The following PPP1R8 variants were observed in gnomAD, a reference collection of about 807,000 sequenced individuals.
PPP1R8 encodes protein phosphatase 1 regulatory subunit 8.
A neutral mutation model predicts 31.3 loss-of-function variants in PPP1R8; 4 were observed. The observed-to-expected ratio is 0.13, with a 90% CI of 0.06 to 0.29. The LOEUF (loss-of-function observed/expected upper bound fraction) is 0.29, where lower values mean the gene tolerates loss of function less well. Ranked by LOEUF, PPP1R8 falls within the 10% of genes least tolerant of loss-of-function variation. The pLI is 1.00. For missense variants in PPP1R8, 254 were observed against 440.1 expected (o/e 0.58, Z 3.78); for synonymous variants, 170 against 169.7 (o/e 1.00, Z -0.01).
chr1:27,838,568 C>T, intron 2 of PPP1R8, 131 bp from the exon 3 acceptor site: 1 of 497,766 alleles, frequency 2.0e-6, no homozygotes, highest in Non-Finnish European at 3.3e-6. Context: ...TTTTTTGATG[C>T]AAGGAGATGG....
At chr1:27,832,626 A>G in intron 1 of PPP1R8, 130 bp from the exon 2 acceptor site, 1 of 663,876 alleles carries the variant, frequency 1.5e-6, no homozygotes, top group Non-Finnish European at 2.5e-6. Context: ...AGTGAAGTGG[A>G]TGACATTTCT....
At position 27,830,866 on chromosome 1, in the gene PPP1R8, C is replaced by G; in HGVS notation, c.31C>G (p.Leu11Val). 2 of 1,574,496 alleles carry G rather than the reference C, an allele frequency of 1.3e-6. No individual in the cohort carries two copies. The highest frequency in any genetic ancestry group is 2.3e-5 in the South Asian group (2 of 85,662). ...GGCAGCCGCGAACTCCGGCTCTAGC[C>G]TCCCGCTGTTCGACTGCCCAACCTG... is the stretch of plus-strand genomic sequence containing the variant. MAAAANSGSS[L>V]PLFDCPTWAG... The change falls in exon 1 of 7, where the codon CTC becomes GTC. Residue 11 changes from leucine (L) to valine (V), a missense_variant. Leu to Val is a conservative substitution (Grantham distance 32). Around this residue, in one of 6 missense-constraint regions of PPP1R8, gnomAD observed 38 missense variants for 18.6 expected, o/e 2.04. Transcript: ENST00000311772.
intron 1 of PPP1R8, 147 bp downstream of exon 1, chr1:27,831,038 C>T: frequency 3.6e-6 from 5 of 1,394,340 alleles, no homozygotes; most frequent in East Asian, 2.9e-5. Context: ...TGCACCGGGC[C>T]GGGCGACGTG....
At position 27,850,692 on chromosome 1, in the gene PPP1R8, T is replaced by A. The variant is rs893363355; in HGVS notation, c.*246T>A. On this transcript the variant is annotated 3_prime_UTR_variant, in exon 7 of 7. Coordinates refer to ENST00000311772, the MANE Select transcript of PPP1R8 (RefSeq NM_014110.5). ...ATCCTTTTCAATAGACTGCCCTGGC[T>A]CTTTCCTAGGCCTTCCACTACCTCC... The A allele has an allele frequency of 1.4e-4, 63 of 447,644 alleles. No homozygotes were observed. The highest frequency in any genetic ancestry group is 2.0e-4 in the Non-Finnish European group (51 of 250,710). The allele number at this position is 447,644 out of a possible 1,614,324, so 27.7% of individuals were successfully genotyped here. A position where few individuals can be genotyped will look rare whatever the true frequency, so the allele number is the denominator to read the frequency against.
intron 2 of PPP1R8, among the ~76,000 whole-genome samples, chr1:27,833,099 C>T (rs1266671273): frequency 1.3e-5 from 2 of 152,114 alleles, no homozygotes; most frequent in Non-Finnish European, 2.9e-5. Flanking sequence ...TTGGTTAATT[C>T]CCTCTCCCTG....
intron 5 of PPP1R8, among the ~76,000 whole-genome samples, chr1:27,844,204 T>C (rs2089250394): frequency 6.6e-6 from 1 of 152,208 alleles, no homozygotes; most frequent in South Asian, 2.1e-4. Flanking sequence ...GGTTTCATCA[T>C]GTTGCCCAGG....
chr1:27,838,904 C>T (rs2089196254), intron 3 of PPP1R8, 52 bp downstream of exon 3: 1 of 1,396,064 alleles, frequency 7.2e-7, no homozygotes, highest in Non-Finnish European at 9.5e-7. Context: ...TATGAAAATA[C>T]TCTTTGGGTT....
Position 27,838,851 on chromosome 1 carries a change from TAGTA to T in PPP1R8, c.271+5_271+8del. ...GAGTTTTCCTGATAGATCTCAACAG[TAGTA>T]AGTAACTCCCTCCCAATTCACATGT... is the stretch of plus-strand genomic sequence containing the variant. On this transcript the variant is annotated splice_donor_variant and splice_donor_region_variant and coding_sequence_variant and intron_variant, in exon 3 of 7. Coordinates refer to ENST00000311772, the MANE Select transcript of PPP1R8 (RefSeq NM_014110.5). LOFTEE classifies it high-confidence loss of function. The T allele has an allele frequency of 6.3e-7, 1 of 1,588,522 alleles. No individual in the cohort carries two copies. Among genetic ancestry groups the T allele is most frequent in the Non-Finnish European group, 8.5e-7 (1 of 1,170,120 alleles).
At chr1:27,834,555 A>G (rs1354641490) in intron 2 of PPP1R8, 1 of 518,394 alleles carries the variant, frequency 1.9e-6, no homozygotes. Flanking sequence ...GTTATAACTC[A>G]GAGGCACAAC....
chr1:27,849,356 A>T (rs1461753080), intron 6 of PPP1R8, among the ~76,000 whole-genome samples: 1 of 145,580 alleles, frequency 6.9e-6, no homozygotes, highest in Non-Finnish European at 1.5e-5. Flanking sequence ...GGGCAACAAG[A>T]GTGAAACTCT....
intron 5 of PPP1R8, among the ~76,000 whole-genome samples, chr1:27,845,373 G>C (rs2089267586): frequency 6.7e-6 from 1 of 149,700 alleles, no homozygotes; most frequent in Admixed American, 6.7e-5. Context: ...CTGGGCGACA[G>C]AGCAAGACTC....
chr1:27,831,338 C>T (rs1208377246), intron 1 of PPP1R8: 1 of 991,556 alleles, frequency 1.0e-6, no homozygotes, highest in African/African-American at 1.7e-5. Context: ...TCGTGCGGCA[C>T]TTGTCTGTCT....
At position 27,830,827 on chromosome 1, in the gene PPP1R8, A is replaced by C; in HGVS notation, c.-9A>C. ...TTAGGGCGCGCCAAATGGGAGGGGG[A>C]GACGCAAGATGGCGGCAGCCGCGAA... On this transcript the variant is annotated 5_prime_UTR_variant, in exon 1 of 7. Transcript: ENST00000311772. The C allele has an allele frequency of 6.4e-7, 1 of 1,574,458 alleles. No homozygotes were observed. The highest frequency in any genetic ancestry group is 8.6e-7 in the Non-Finnish European group (1 of 1,161,028).
At chr1:27,845,258 C>T (rs1363660439) in intron 5 of PPP1R8, among the ~76,000 whole-genome samples, 7 of 150,602 alleles carry the variant, frequency 4.6e-5, no homozygotes, top group East Asian at 2.0e-4. Flanking sequence ...GGTGTGGTGG[C>T]GGGCGCCTGT....
rs574458223 is a variant in PPP1R8, at chr1:27,830,812, C to T, written c.-24C>T. On this transcript the variant is annotated 5_prime_UTR_variant, in exon 1 of 7. Transcript: ENST00000311772. ...AGTTTCCCGGCGTGCTTAGGGCGCG[C>T]CAAATGGGAGGGGGAGACGCAAGAT... The T allele has an allele frequency of 1.1e-5, 17 of 1,568,162 alleles. No individual in the cohort carries two copies. The South Asian group carries it at 1.9e-4, about 17-fold the overall frequency.
At chr1:27,838,545 GATTT>G (rs1216012265) in intron 2 of PPP1R8, among the ~76,000 whole-genome samples, 150 bp from the exon 3 acceptor site, 19 of 152,080 alleles carry the variant, frequency 1.2e-4, no homozygotes, top group Non-Finnish European at 2.2e-4. Context: ...CCTTGGAAAG[GATTT>G]ATTTTTCTTT....
intron 6 of PPP1R8, among the ~76,000 whole-genome samples, chr1:27,847,818 G>A (rs1166184290): frequency 2.0e-5 from 3 of 152,180 alleles, no homozygotes; most frequent in African/African-American, 4.8e-5. Context: ...TTCTCATTCT[G>A]TGGAAATGAA....
At chr1:27,850,048 G>A (rs763452445) in intron 6 of PPP1R8, 45 bp from the exon 7 acceptor site, 10 of 1,501,046 alleles carry the variant, frequency 6.7e-6, no homozygotes, top group Non-Finnish European at 8.9e-7. Context: ...CTCACCTCTT[G>A]TCTTCTCTCT....
chr1:27,842,987 C>T (rs1163437925), intron 4 of PPP1R8, among the ~76,000 whole-genome samples, 199 bp from the exon 5 acceptor site: 1 of 152,192 alleles, frequency 6.6e-6, no homozygotes, highest in Non-Finnish European at 1.5e-5. Flanking sequence ...GTTCCACATT[C>T]TTTCTAATGA....
Sources: allele counts gnomAD v4.1 joint callset (sites outside exome capture counted in the v4.1 genomes callset), GRCh38; gene constraint gnomAD v4.1.1; regional missense constraint gnomAD v4.1.1; transcripts MANE v1.5; gene names NCBI Gene and HGNC (gene_info 2026-07-23, HGNC 2026-07-21).